AGBL1: variants seen among roughly 807,000 people sequenced by gnomAD.
The protein encoded by AGBL1 is AGBL carboxypeptidase 1, also known as cytosolic carboxypeptidase 4.
A neutral mutation model predicts 118.9 loss-of-function variants in AGBL1; 130 were observed. The observed-to-expected ratio is 1.09, with a 90% CI of 0.95 to 1.26. AGBL1 has a LOEUF of 1.26. Among genes scored for constraint, AGBL1 ranks in the 50% most tolerant of loss-of-function variants. The pLI is 0.00. For missense variants in AGBL1, 1,584 were observed against 1,298.1 expected (o/e 1.22, Z -3.38); for synonymous variants, 555 against 478.9 (o/e 1.16, Z -2.08).
At chr15:86,272,730 A>G (rs1279071047) in intron 15 of AGBL1, among the ~76,000 whole-genome samples, 1 of 152,238 alleles carries the variant, frequency 6.6e-6, no homozygotes. Flanking sequence ...ACACAGAGCC[A>G]GGCTGACTAG....
chr15:86,861,250 T>A (rs1472606977), intron 22 of AGBL1, among the ~76,000 whole-genome samples: 1 of 152,158 alleles, frequency 6.6e-6, no homozygotes, highest in Non-Finnish European at 1.5e-5. Context: ...ACTGTCTGGG[T>A]GCTGTGGGGA....
intron 21 of AGBL1, among the ~76,000 whole-genome samples, chr15:86,634,730 AT>A (rs1438437653): frequency 6.6e-6 from 1 of 152,240 alleles, no homozygotes; most frequent in Admixed American, 6.5e-5. Flanking sequence ...TAAAACCATC[AT>A]AAAAAAGAAA....
At chr15:86,526,122 G>A (rs1072287) in intron 19 of AGBL1, among the ~76,000 whole-genome samples, 11,264 of 152,118 alleles carry the variant, frequency 0.074, 490 homozygotes, top group African/African-American at 0.11. Flanking sequence ...AATGCTCAAC[G>A]TCACTAATTA....
chr15:87,028,630 A>T (rs911419677), intron 24 of AGBL1, among the ~76,000 whole-genome samples: 2 of 151,940 alleles, frequency 1.3e-5, no homozygotes, highest in East Asian at 1.9e-4. Context: ...ATGCCCTCAC[A>T]TTCTCACATT....
intron 21 of AGBL1, among the ~76,000 whole-genome samples, chr15:86,608,192 G>A (rs890172676): frequency 1.3e-5 from 2 of 152,102 alleles, no homozygotes; most frequent in East Asian, 1.9e-4. Flanking sequence ...TTCTCATCCT[G>A]CAGTTCAGGT....
intron 18 of AGBL1, among the ~76,000 whole-genome samples, chr15:86,522,235 G>A (rs2083198616): frequency 1.3e-5 from 2 of 152,128 alleles, no homozygotes; most frequent in Non-Finnish European, 2.9e-5. Context: ...GATTCTCTTG[G>A]TAAATGTCAA....
At chr15:86,929,044 CAG>C (rs2080577274) in intron 23 of AGBL1, among the ~76,000 whole-genome samples, 1 of 152,030 alleles carries the variant, frequency 6.6e-6, no homozygotes, top group African/African-American at 2.4e-5. Context: ...CTCTCTGAGA[CAG>C]AGTCTTGGTT....
chr15:86,439,181 T>A (rs886437797), intron 18 of AGBL1, among the ~76,000 whole-genome samples: 2 of 152,158 alleles, frequency 1.3e-5, no homozygotes, highest in Non-Finnish European at 2.9e-5. Flanking sequence ...GTAAAACTTG[T>A]GTTGCTAGTG....
intron 24 of AGBL1, among the ~76,000 whole-genome samples, chr15:87,009,219 C>A (rs974993046): frequency 6.6e-6 from 1 of 152,100 alleles, no homozygotes; most frequent in African/African-American, 2.4e-5. Flanking sequence ...ATGCTATGTG[C>A]AGTCTTGGGA....
At chr15:86,819,988 C>A (rs953871543) in intron 22 of AGBL1, among the ~76,000 whole-genome samples, 1 of 152,078 alleles carries the variant, frequency 6.6e-6, no homozygotes, top group African/African-American at 2.4e-5. Flanking sequence ...AATAATGTCA[C>A]GTATCTACAA....
At chr15:86,600,521 C>T (rs781490377) in intron 21 of AGBL1, among the ~76,000 whole-genome samples, 1 of 152,140 alleles carries the variant, frequency 6.6e-6, no homozygotes, top group African/African-American at 2.4e-5. Context: ...GTGTATACCT[C>T]CTAGACTGTG....
At chr15:86,917,673 T>G (rs1450217811), downstream of AGBL1, among the ~76,000 whole-genome samples, 1 of 152,062 alleles carries the variant, frequency 6.6e-6, no homozygotes, top group Non-Finnish European at 1.5e-5. The surrounding 1 kb of genome is among the most constrained non-coding windows in gnomAD (Gnocchi z 4.8). Flanking sequence ...TTCTTGAATT[T>G]GGGGATATGC....
At chr15:86,392,829 A>T (rs1365121331) in intron 17 of AGBL1, among the ~76,000 whole-genome samples, 2 of 152,198 alleles carry the variant, frequency 1.3e-5, no homozygotes, top group Admixed American at 1.3e-4. Flanking sequence ...AACATATTTT[A>T]TTAATTGCAG....
In AGBL1 at chr15:86,825,771, T is replaced by C. The variant is rs376219441; in HGVS notation, c.3159-81316T>C. On this transcript the variant is annotated intron_variant, in intron 22 of 22. Coordinates refer to ENST00000614907, the MANE Select transcript of AGBL1 (RefSeq NM_001386094.1). ...AAAGAAAAACAAACCAATAATGGGATACCTATCAGAATGGCTACTTTTTTT... is the reference window on the plus strand; with the variant it reads ...AAAGAAAAACAAACCAATAATGGGACACCTATCAGAATGGCTACTTTTTTT... Among the ~76,000 whole-genome samples, 4 of 151,610 alleles carry C rather than the reference T, an allele frequency of 2.6e-5. No individual in the cohort carries two copies. The East Asian group carries it at 7.8e-4, about 30-fold the overall frequency.
At chr15:86,940,261 C>T (rs1483366180) in intron 23 of AGBL1, among the ~76,000 whole-genome samples, 1 of 151,802 alleles carries the variant, frequency 6.6e-6, no homozygotes, top group Non-Finnish European at 1.5e-5. Context: ...AACACACTTT[C>T]TTTTAGAAAA....
chr15:86,512,491 G>T (rs1408184939), intron 18 of AGBL1, among the ~76,000 whole-genome samples: 1 of 151,652 alleles, frequency 6.6e-6, no homozygotes, highest in African/African-American at 2.4e-5. Context: ...TCCTCAAAAA[G>T]GTGTAATCTA....
At chr15:86,873,819 C>A (rs904962738) in intron 22 of AGBL1, among the ~76,000 whole-genome samples, 3 of 152,032 alleles carry the variant, frequency 2.0e-5, no homozygotes, top group Non-Finnish European at 4.4e-5. Flanking sequence ...ATATTACTAC[C>A]TCTTTTGGTG....
chr15:86,968,724 C>T (rs1427365443), intron 23 of AGBL1, among the ~76,000 whole-genome samples: 1 of 151,890 alleles, frequency 6.6e-6, no homozygotes, highest in Admixed American at 6.6e-5. Context: ...GCTGCTATAA[C>T]AAAATGGCTT....
chr15:86,397,380 C>T lies in AGBL1; in HGVS notation c.2389C>T (p.Gln797Ter). Reference sequence around the variant, plus strand: ...TTTTTCTGCAGGACATCGTCCATATCAGGTGATCACTGCTCGAGTTCATCC... The same window carrying T: ...TTTTTCTGCAGGACATCGTCCATATTAGGTGATCACTGCTCGAGTTCATCC... ...HLEQFRHRPYQVITARVHPGE... is the reference protein window; with the variant it reads ...HLEQFRHRPY Residue 797 changes from glutamine to a stop codon, truncating the protein, a stop_gained, in exon 18 of 23, where the codon CAG becomes TAG. Coordinates refer to ENST00000614907, the MANE Select transcript of AGBL1 (RefSeq NM_001386094.1). LOFTEE classifies it high-confidence loss of function. The T allele has an allele frequency of 6.3e-7, 1 of 1,598,002 alleles. No homozygotes were observed. Among genetic ancestry groups the T allele is most frequent in the East Asian group, 2.2e-5 (1 of 44,640 alleles).
Sources: allele counts gnomAD v4.1 joint callset (sites outside exome capture counted in the v4.1 genomes callset), GRCh38; gene constraint gnomAD v4.1.1; non-coding constraint Gnocchi (gnomAD v3.1); transcripts MANE v1.5; gene names NCBI Gene and HGNC (gene_info 2026-07-23, HGNC 2026-07-21).